ALK: variants seen among roughly 807,000 people sequenced by gnomAD.
ALK encodes ALK tyrosine kinase receptor.
A neutral mutation model predicts 163.1 loss-of-function variants in ALK; 74 were observed. The ratio of observed to expected loss-of-function variants is 0.45; its 90% CI spans 0.38 to 0.55. The LOEUF (loss-of-function observed/expected upper bound fraction) is 0.55, where lower values mean the gene tolerates loss of function less well. Among genes scored for constraint, ALK ranks in the 20% least tolerant of loss-of-function variants. ALK has a pLI of 0.00. For missense variants in ALK, 2,063 were observed against 2,105.3 expected, an observed-to-expected ratio of 0.98 and a Z score of 0.39; for synonymous variants, 960 against 843.2, an observed-to-expected ratio of 1.14 and a Z score of -2.40.
At chr2:29,516,553 C>T (rs1207884550) in intron 4 of ALK, among the ~76,000 whole-genome samples, 1 of 152,124 alleles carries the variant, frequency 6.6e-6, no homozygotes, top group Non-Finnish European at 1.5e-5. Context: ...TGTGAAGTCC[C>T]CTGCTAAGGG....
intron 2 of ALK, among the ~76,000 whole-genome samples, chr2:29,702,283 T>G (rs1238389060): frequency 6.6e-6 from 1 of 152,056 alleles, no homozygotes; most frequent in Non-Finnish European, 1.5e-5. Context: ...CTCGATATTC[T>G]AAATGGCCAC....
chr2:29,745,573 T>C (rs1414885130), intron 1 of ALK, among the ~76,000 whole-genome samples: 2 of 152,216 alleles, frequency 1.3e-5, no homozygotes, highest in African/African-American at 4.8e-5. Flanking sequence ...TATGCACTAA[T>C]GAAAGGATCA....
chr2:29,585,132 A>G (rs1466233255), intron 3 of ALK, among the ~76,000 whole-genome samples: 1 of 152,022 alleles, frequency 6.6e-6, no homozygotes, highest in Non-Finnish European at 1.5e-5. Context: ...TTTTAAATTT[A>G]TTTTATGTTG....
chr2:29,818,248 GAA>G (rs1664951014), intron 1 of ALK, among the ~76,000 whole-genome samples: 1 of 152,102 alleles, frequency 6.6e-6, no homozygotes, highest in Non-Finnish European at 1.5e-5. Context: ...TCTCTCTCTC[GAA>G]GAGAAATGAC....
intron 3 of ALK, among the ~76,000 whole-genome samples, chr2:29,673,950 G>A (rs1416181257): frequency 1.4e-5 from 2 of 143,528 alleles, no homozygotes; most frequent in East Asian, 2.0e-4. Flanking sequence ...ATTGTGAATG[G>A]GAGTTCACTC....
At chr2:29,230,095 T>C (rs181842634) in intron 15 of ALK, among the ~76,000 whole-genome samples, 4 of 152,194 alleles carry the variant, frequency 2.6e-5, no homozygotes, top group Non-Finnish European at 5.9e-5. Context: ...TCAGTATCTG[T>C]GGAGGTTCCA....
At chr2:29,635,217 T>G (rs1353100036) in intron 3 of ALK, among the ~76,000 whole-genome samples, 1 of 152,306 alleles carries the variant, frequency 6.6e-6, no homozygotes, top group Non-Finnish European at 1.5e-5. Context: ...AAAATAGATA[T>G]ATAGGTTTGT....
At chr2:29,742,600 G>C (rs1042817451) in intron 1 of ALK, among the ~76,000 whole-genome samples, 1 of 152,170 alleles carries the variant, frequency 6.6e-6, no homozygotes, top group Non-Finnish European at 1.5e-5. Context: ...ACTAGGCACT[G>C]ACACATTAGT....
chr2:29,495,160 C>A (rs534519370), intron 4 of ALK, among the ~76,000 whole-genome samples: 55 of 152,206 alleles, frequency 3.6e-4, no homozygotes, highest in South Asian at 1.9e-3. Flanking sequence ...AGGAAGTGAG[C>A]CAGCTCCCTC....
At chr2:29,612,171 G>A (rs987592056) in intron 3 of ALK, among the ~76,000 whole-genome samples, 1 of 152,168 alleles carries the variant, frequency 6.6e-6, no homozygotes, top group Non-Finnish European at 1.5e-5. Flanking sequence ...CCTGTTCAAT[G>A]CCTTTGTGCT....
At chr2:29,796,562 T>A (rs1664316343) in intron 1 of ALK, among the ~76,000 whole-genome samples, 1 of 152,206 alleles carries the variant, frequency 6.6e-6, no homozygotes, top group African/African-American at 2.4e-5. Context: ...TGTCATTTTC[T>A]CCTAAGCCTC....
chr2:29,818,082 CTG>C (rs1664947003), intron 1 of ALK, among the ~76,000 whole-genome samples: 1 of 152,174 alleles, frequency 6.6e-6, no homozygotes, highest in Non-Finnish European at 1.5e-5. Flanking sequence ...CCAAACTCCA[CTG>C]TGCGAGAGGC....
intron 1 of ALK, among the ~76,000 whole-genome samples, chr2:29,734,235 T>C (rs370517024): frequency 4.2e-4 from 64 of 152,270 alleles, no homozygotes; most frequent in Middle Eastern, 3.4e-3. Flanking sequence ...CCCTCAACCA[T>C]GTTCAAGTTC....
intron 13 of ALK, among the ~76,000 whole-genome samples, chr2:29,238,132 C>T (rs534998839): frequency 7.6e-4 from 116 of 152,298 alleles, no homozygotes; most frequent in Non-Finnish European, 1.4e-3. Context: ...GGGCAACTCC[C>T]CGCTGCCCCC....
chr2:29,843,752 C>T (rs1665761755), intron 1 of ALK, among the ~76,000 whole-genome samples: 1 of 152,158 alleles, frequency 6.6e-6, no homozygotes, highest in Admixed American at 6.5e-5. Context: ...CAGAAGTTAA[C>T]AGAACAAAAT....
chr2:29,727,672 C>T (rs565027106), intron 1 of ALK, among the ~76,000 whole-genome samples: 124 of 152,318 alleles, frequency 8.1e-4, no homozygotes, highest in African/African-American at 2.9e-3. Flanking sequence ...TGGCATGATG[C>T]TATATTTTAA....
intron 6 of ALK, 85 bp downstream of exon 6, chr2:29,328,265 T>G: frequency 1.2e-6 from 2 of 1,600,546 alleles, no homozygotes; most frequent in Non-Finnish European, 8.6e-7. Context: ...AGGCTGTCCA[T>G]GCTCTCATGC....
intron 1 of ALK, among the ~76,000 whole-genome samples, chr2:29,862,349 G>C (rs974458080): frequency 6.6e-6 from 1 of 152,006 alleles, no homozygotes; most frequent in Non-Finnish European, 1.5e-5. Flanking sequence ...AAAAAAATAA[G>C]TTAAATTGAC....
chr2:29,810,905 C>T (rs943414185), intron 1 of ALK, among the ~76,000 whole-genome samples: 4 of 152,000 alleles, frequency 2.6e-5, no homozygotes, highest in East Asian at 1.9e-4. Flanking sequence ...TCTGCACACT[C>T]TCAGAAGAAA....
Sources: gnomAD v4.1 joint callset for allele counts (sites outside exome capture counted in the v4.1 genomes callset) on GRCh38, gnomAD v4.1.1 for gene constraint, MANE v1.5 for transcripts, NCBI Gene and HGNC (gene_info 2026-07-23, HGNC 2026-07-21) for gene names.